The following CALN1 variants were observed in gnomAD, a reference collection of about 807,000 sequenced individuals.
The protein encoded by CALN1 is calcium-binding protein 8.
In CALN1, 17 loss-of-function variants were observed where a neutral mutation model predicts 30.6. That is an observed-to-expected ratio of 0.56 (90% CI 0.38 to 0.83). The LOEUF is 0.83. Ranked by LOEUF, CALN1 falls within the 40% of genes least tolerant of loss-of-function variation. CALN1 has a pLI of 0.00. For synonymous variants in CALN1, 156 were observed against 131.4 expected (o/e 1.19, Z -1.28); for missense variants, 291 against 354.9 (o/e 0.82, Z 1.45).
chr7:71,933,951 G>A (rs1017401627), intron 5 of CALN1, among the ~76,000 whole-genome samples: 2 of 152,132 alleles, frequency 1.3e-5, no homozygotes, highest in African/African-American at 4.8e-5. Context: ...AAAGATCAAG[G>A]AAACCTCAAA....
chr7:71,983,826 C>T lies in CALN1; in HGVS notation c.501+39831G>A, dbSNP rs188165598. ...GGATTACAGGCATGAGCCACCACAC[C>T]CAGCTGATTGGATGCTTTTAAATCC... On this transcript the variant is annotated intron_variant, in intron 5 of 6. Transcript: ENST00000395275. 5.3e-5 allele frequency among the ~76,000 whole-genome samples: 8 copies of T among 152,268 alleles called. No homozygotes were observed. The East Asian group carries it at 1.5e-3, about 29-fold the overall frequency.
intron 1 of CALN1, among the ~76,000 whole-genome samples, chr7:72,425,293 T>C (rs1270295707): frequency 6.6e-6 from 1 of 152,192 alleles, no homozygotes; most frequent in Non-Finnish European, 1.5e-5. Flanking sequence ...TTTGTACTTT[T>C]AGTAGAGACA....
intron 4 of CALN1, among the ~76,000 whole-genome samples, chr7:72,038,381 T>C (rs545777207): frequency 6.6e-6 from 1 of 152,074 alleles, no homozygotes; most frequent in East Asian, 1.9e-4. Context: ...CTATTTTTTT[T>C]TTTTTCTTTT....
At chr7:72,079,749 G>A (rs1390940329) in intron 4 of CALN1, among the ~76,000 whole-genome samples, 2 of 138,416 alleles carry the variant, frequency 1.4e-5, no homozygotes, top group African/African-American at 5.6e-5. Context: ...TGCCCAAGAG[G>A]TTGCCTTTTT....
At chr7:72,374,710 C>T (rs754565637) in intron 2 of CALN1, among the ~76,000 whole-genome samples, 18 of 152,078 alleles carry the variant, frequency 1.2e-4, no homozygotes, top group Non-Finnish European at 2.5e-4. Flanking sequence ...AATGGTATCC[C>T]CTTTCCAATT....
chr7:72,437,321 C>A (rs926422473), intron 1 of CALN1, among the ~76,000 whole-genome samples: 1 of 152,148 alleles, frequency 6.6e-6, no homozygotes, highest in Non-Finnish European at 1.5e-5. Context: ...AAGGCCCCTC[C>A]CTGGCAGTCC....
intron 2 of CALN1, among the ~76,000 whole-genome samples, chr7:72,313,610 G>A (rs1274817187): frequency 6.6e-6 from 1 of 151,970 alleles, no homozygotes; most frequent in Non-Finnish European, 1.5e-5. Flanking sequence ...GCCCAGGCTG[G>A]TGGTCTCAAA....
chr7:71,891,262 G>A (rs1793225279), intron 5 of CALN1, among the ~76,000 whole-genome samples: 1 of 152,128 alleles, frequency 6.6e-6, no homozygotes, highest in Admixed American at 6.5e-5. Context: ...CACAGCTCTT[G>A]CTTCCTAGAA....
chr7:71,909,432 C>T (rs1794311347), intron 5 of CALN1, among the ~76,000 whole-genome samples: 2 of 151,892 alleles, frequency 1.3e-5, no homozygotes, highest in South Asian at 4.2e-4. Context: ...TATACAAACA[C>T]TTACTGGTTA....
At chr7:71,988,413 C>G (rs1265614979) in intron 5 of CALN1, among the ~76,000 whole-genome samples, 2 of 152,220 alleles carry the variant, frequency 1.3e-5, no homozygotes, top group South Asian at 2.1e-4. Context: ...GAAACTGCGG[C>G]AGAGGCGGCT....
chr7:72,204,011 A>G (rs1482401348), intron 3 of CALN1, among the ~76,000 whole-genome samples: 1 of 24,440 alleles, frequency 4.1e-5, no homozygotes, highest in South Asian at 2.0e-3. Flanking sequence ...TTTTTTTTTG[A>G]GACAGAGTCT....
At chr7:72,469,191 A>T in the CALN1 span, among the ~76,000 whole-genome samples, 1 of 152,042 alleles carries the variant, frequency 6.6e-6, no homozygotes, top group Non-Finnish European at 1.5e-5. Flanking sequence ...AATGGGTTTT[A>T]GTTCTTAGCT....
At chr7:72,172,897 A>T (rs150793145) in intron 3 of CALN1, among the ~76,000 whole-genome samples, 6 of 152,322 alleles carry the variant, frequency 3.9e-5, no homozygotes, top group African/African-American at 1.4e-4. Flanking sequence ...AGCACAAAGC[A>T]AATATGTCCA....
intron 5 of CALN1, among the ~76,000 whole-genome samples, chr7:71,909,716 C>T (rs1442250124): frequency 6.6e-6 from 1 of 152,126 alleles, no homozygotes; most frequent in Non-Finnish European, 1.5e-5. Flanking sequence ...CGTTTGGTAT[C>T]ACTTGGTTTC....
At chr7:72,185,263 G>A (rs776720374) in intron 3 of CALN1, among the ~76,000 whole-genome samples, 4 of 152,090 alleles carry the variant, frequency 2.6e-5, no homozygotes, top group Non-Finnish European at 5.9e-5. Flanking sequence ...TCTTTCCCAT[G>A]TGCATCCCCA....
intron 5 of CALN1, among the ~76,000 whole-genome samples, chr7:71,992,919 A>C (rs1799031479): frequency 6.6e-6 from 1 of 152,212 alleles, no homozygotes; most frequent in African/African-American, 2.4e-5. Context: ...AAGAGTAGGC[A>C]TACCATTCTG....
At chr7:72,375,239 GCTCTATT>G (rs1276396215) in intron 2 of CALN1, among the ~76,000 whole-genome samples, 2 of 152,126 alleles carry the variant, frequency 1.3e-5, no homozygotes, top group Non-Finnish European at 2.9e-5. Context: ...TGTTCAGTGA[GCTCTATT>G]CTCATCTGGA....
At chr7:71,992,109 C>T (rs1798985294) in intron 5 of CALN1, among the ~76,000 whole-genome samples, 1 of 152,182 alleles carries the variant, frequency 6.6e-6, no homozygotes, top group South Asian at 2.1e-4. Context: ...TGTTTATCTT[C>T]ATTATAGATT....
chr7:72,261,503 C>T (rs150494493), intron 3 of CALN1, among the ~76,000 whole-genome samples: 1,692 of 151,962 alleles, frequency 0.011, 43 homozygotes, highest in African/African-American at 0.038. Context: ...TAGCTCACTG[C>T]AGCCTCAAAG....
Sources: allele counts gnomAD v4.1 joint callset (sites outside exome capture counted in the v4.1 genomes callset), GRCh38; gene constraint gnomAD v4.1.1; transcripts MANE v1.5; gene names NCBI Gene and HGNC (gene_info 2026-07-23, HGNC 2026-07-21).